Variants in PLXDC2 observed in about 807,000 individuals in gnomAD.
PLXDC2 encodes plexin domain containing 2, also known as plexin domain-containing protein 2.
Under a neutral mutation model 68.9 loss-of-function variants are expected in PLXDC2, and 40 were observed. The observed-to-expected ratio is 0.58, with a 90% CI of 0.45 to 0.76. The LOEUF (loss-of-function observed/expected upper bound fraction) is 0.76. PLXDC2 is among the 30% of genes least tolerant of loss of function. PLXDC2 has a pLI of 0.00. For missense variants in PLXDC2, 644 were observed against 661.9 expected, an observed-to-expected ratio of 0.97 and a Z score of 0.30; for synonymous variants, 243 against 234.2, an observed-to-expected ratio of 1.04 and a Z score of -0.34.
chr10:19,911,728 A>G (rs73601645), intron 1 of PLXDC2, among the ~76,000 whole-genome samples: 5,110 of 152,256 alleles, frequency 0.034, 285 homozygotes, highest in African/African-American at 0.12. Flanking sequence ...TCTCTAGTTG[A>G]GAGCTTTTTC....
chr10:19,944,206 G>T (rs754746838), intron 1 of PLXDC2, among the ~76,000 whole-genome samples: 1 of 152,078 alleles, frequency 6.6e-6, no homozygotes, highest in Non-Finnish European at 1.5e-5. Context: ...GAAGTGAAAG[G>T]TATAATCCCA....
At chr10:20,033,374 T>C (rs1176825378) in intron 2 of PLXDC2, among the ~76,000 whole-genome samples, 1 of 152,124 alleles carries the variant, frequency 6.6e-6, no homozygotes, top group Non-Finnish European at 1.5e-5. Flanking sequence ...CATAAGGGGA[T>C]GCTGAAACAC....
intron 2 of PLXDC2, among the ~76,000 whole-genome samples, chr10:20,038,753 T>A (rs1328889394): frequency 6.6e-6 from 1 of 152,156 alleles, no homozygotes; most frequent in East Asian, 1.9e-4. Context: ...AATCATTCAC[T>A]TTTTTTGATT....
chr10:20,254,088 G>A (rs1390092268), intron 13 of PLXDC2, among the ~76,000 whole-genome samples: 1 of 152,092 alleles, frequency 6.6e-6, no homozygotes, highest in Admixed American at 6.6e-5. Flanking sequence ...CCTCACCCCG[G>A]CCCTATAGCC....
At chr10:19,867,339 A>G (rs1481081327) in intron 1 of PLXDC2, among the ~76,000 whole-genome samples, 1 of 152,104 alleles carries the variant, frequency 6.6e-6, no homozygotes, top group Admixed American at 6.6e-5. Context: ...TGCTGGGATT[A>G]TAGGCATAAG....
At chr10:19,875,252 A>G (rs1296624973) in intron 1 of PLXDC2, among the ~76,000 whole-genome samples, 1 of 152,210 alleles carries the variant, frequency 6.6e-6, no homozygotes, top group African/African-American at 2.4e-5. Flanking sequence ...AGTAGAAAAT[A>G]AACAGGAAAG....
At chr10:20,244,779 C>T (rs1344667255) in intron 12 of PLXDC2, among the ~76,000 whole-genome samples, 2 of 152,160 alleles carry the variant, frequency 1.3e-5, no homozygotes, top group Admixed American at 1.3e-4. Context: ...TCCCACAGTA[C>T]TTTGAGAATA....
At chr10:19,998,405 G>A (rs1367275046) in intron 1 of PLXDC2, among the ~76,000 whole-genome samples, 1 of 152,086 alleles carries the variant, frequency 6.6e-6, no homozygotes. Flanking sequence ...ATCTAACTCA[G>A]TTTCATACTT....
chr10:19,868,270 C>T (rs2131340570), intron 1 of PLXDC2, among the ~76,000 whole-genome samples: 1 of 152,204 alleles, frequency 6.6e-6, no homozygotes, highest in South Asian at 2.1e-4. Flanking sequence ...CTCTCTCCTC[C>T]CACCCGCCAC....
intron 9 of PLXDC2, among the ~76,000 whole-genome samples, chr10:20,209,264 AAGC>A (rs1475131759): frequency 1.3e-5 from 2 of 152,050 alleles, no homozygotes; most frequent in Non-Finnish European, 1.5e-5. Context: ...GCCGCCCCTG[AAGC>A]GGCCATTTCA....
chr10:20,058,698 C>T (rs969915479), intron 3 of PLXDC2, among the ~76,000 whole-genome samples: 5 of 152,130 alleles, frequency 3.3e-5, no homozygotes, highest in African/African-American at 1.2e-4. Context: ...ACGATAAACA[C>T]AAAATATTTT....
intron 1 of PLXDC2, among the ~76,000 whole-genome samples, chr10:19,912,264 C>T (rs1356643859): frequency 5.9e-5 from 9 of 152,040 alleles, no homozygotes; most frequent in Admixed American, 5.9e-4. Flanking sequence ...AATACAAAAA[C>T]TTGTTTTATT....
In PLXDC2 at chr10:19,816,974, A is replaced by G. The variant is rs998216442; in HGVS notation, c.-106A>G. 1.9e-5 allele frequency: 15 copies of G among 795,360 alleles called. No homozygotes were observed. The highest frequency in any genetic ancestry group is 2.9e-5 in the Non-Finnish European group (14 of 490,324). 49.3% of individuals were successfully genotyped at this position (795,360 alleles called of 1,614,324 possible). On this transcript the variant is annotated 5_prime_UTR_variant, in exon 1 of 14. Transcript: ENST00000377252. ...ACATTTACAAAGGCCTCCGGGTCCT[A>G]CCGAGACCGATCCGCAGCGTTTGGC...
chr10:20,021,761 G>A (rs931223989), intron 2 of PLXDC2, among the ~76,000 whole-genome samples: 4 of 151,714 alleles, frequency 2.6e-5, no homozygotes, highest in East Asian at 1.9e-4. Context: ...GTGCAGTGGC[G>A]TGATCTTGGC....
intron 2 of PLXDC2, among the ~76,000 whole-genome samples, chr10:20,039,858 C>T (rs1177644277): frequency 6.6e-6 from 1 of 152,094 alleles, no homozygotes; most frequent in Non-Finnish European, 1.5e-5. Flanking sequence ...GACAAATTAT[C>T]AGAGGAGAGA....
chr10:19,880,496 C>T (rs955716749), intron 1 of PLXDC2, among the ~76,000 whole-genome samples: 2 of 152,218 alleles, frequency 1.3e-5, no homozygotes, highest in African/African-American at 4.8e-5. Context: ...CTCTCTTTCT[C>T]TCTCTCTCAA....
intron 1 of PLXDC2, among the ~76,000 whole-genome samples, chr10:19,843,568 G>C (rs1256894025): frequency 6.6e-6 from 1 of 152,146 alleles, no homozygotes; most frequent in Non-Finnish European, 1.5e-5. Context: ...ACTAAATGTG[G>C]TGTATATACA....
intron 3 of PLXDC2, among the ~76,000 whole-genome samples, chr10:20,063,432 T>A (rs1290091716): frequency 6.6e-6 from 1 of 152,180 alleles, no homozygotes; most frequent in Non-Finnish European, 1.5e-5. Context: ...GGACTGTAAA[T>A]GTGCCCACTC....
intron 4 of PLXDC2, 112 bp downstream of exon 4, chr10:20,068,351 T>G: frequency 1.0e-6 from 1 of 965,258 alleles, no homozygotes; most frequent in Non-Finnish European, 1.5e-6. Context: ...ACCATTGTGT[T>G]TTATCACAAA....
Sources: allele counts gnomAD v4.1 joint callset (sites outside exome capture counted in the v4.1 genomes callset), GRCh38; gene constraint gnomAD v4.1.1; transcripts MANE v1.5; gene names NCBI Gene and HGNC (gene_info 2026-07-23, HGNC 2026-07-21).